FOXJ3: variants seen among roughly 807,000 people sequenced by gnomAD.
FOXJ3 encodes forkhead box J3.
FOXJ3 carries 22 observed loss-of-function variants against 76.1 expected under a neutral mutation model. The ratio of observed to expected loss-of-function variants is 0.29; its 90% CI spans 0.21 to 0.41. The LOEUF (loss-of-function observed/expected upper bound fraction) is 0.41, where lower values mean the gene tolerates loss of function less well. Ranked by LOEUF, FOXJ3 falls within the 10% of genes least tolerant of loss-of-function variation. The pLI is 1.00. For synonymous variants in FOXJ3, 269 were observed against 261.2 expected (o/e 1.03, Z -0.29); for missense variants, 613 against 762.1 (o/e 0.80, Z 2.30).
chr1:42,246,112 C>T (rs1392869670), intron 4 of FOXJ3, among the ~76,000 whole-genome samples: 1 of 152,050 alleles, frequency 6.6e-6, no homozygotes. Context: ...AAAGATTTTA[C>T]GACTAAGACC....
At chr1:42,294,762 C>CAAAAAAAAAAAAAA (rs5773766) in intron 2 of FOXJ3, among the ~76,000 whole-genome samples, 8 of 105,678 alleles carry the variant, frequency 7.6e-5, no homozygotes, top group African/African-American at 2.7e-4. Flanking sequence ...AACTTGGTCT[C>CAAAAAAAAAAAAAA]AAAAAAAAAA....
chr1:42,331,621 C>T (rs1327111585), intron 1 of FOXJ3, among the ~76,000 whole-genome samples: 1 of 152,098 alleles, frequency 6.6e-6, no homozygotes, highest in South Asian at 2.1e-4. Context: ...AACATCTCTA[C>T]AAGATTGTAA....
chr1:42,327,486 A>G (rs1655907271), intron 1 of FOXJ3, among the ~76,000 whole-genome samples: 1 of 152,246 alleles, frequency 6.6e-6, no homozygotes, highest in Non-Finnish European at 1.5e-5. Flanking sequence ...GCACCCATGT[A>G]CCACCAGCCA....
At chr1:42,333,594 C>A (rs1039035757) in intron 1 of FOXJ3, among the ~76,000 whole-genome samples, 1 of 152,106 alleles carries the variant, frequency 6.6e-6, no homozygotes, top group African/African-American at 2.4e-5. Context: ...AGAGGAGTTA[C>A]TGCTTTTCTA....
intron 1 of FOXJ3, chr1:42,315,435 G>C (rs2124765576): frequency 1.0e-6 from 1 of 984,208 alleles, no homozygotes; most frequent in South Asian, 4.7e-5. Flanking sequence ...CTCAGGCAAG[G>C]GAAAATGATC....
At chr1:42,212,030 G>T (rs761422064) in intron 5 of FOXJ3, among the ~76,000 whole-genome samples, 7 of 152,202 alleles carry the variant, frequency 4.6e-5, no homozygotes, top group African/African-American at 1.4e-4. Context: ...AAGGTGGGTG[G>T]ATCATTTGAG....
chr1:42,299,031 G>T (rs924130367), intron 2 of FOXJ3, among the ~76,000 whole-genome samples: 1 of 152,108 alleles, frequency 6.6e-6, no homozygotes, highest in African/African-American at 2.4e-5. Context: ...TCAGTATTTT[G>T]GAATGTATTG....
intron 4 of FOXJ3, among the ~76,000 whole-genome samples, chr1:42,244,131 A>G (rs1196299322): frequency 6.6e-6 from 1 of 152,184 alleles, no homozygotes; most frequent in African/African-American, 2.4e-5. Context: ...AATGAAAATG[A>G]AAACACAACA....
At chr1:42,216,188 T>C (rs1015667665) in intron 5 of FOXJ3, among the ~76,000 whole-genome samples, 3 of 151,862 alleles carry the variant, frequency 2.0e-5, no homozygotes, top group Admixed American at 2.0e-4. Context: ...CTGAAACAAA[T>C]GAAAGCACCA....
intron 4 of FOXJ3, among the ~76,000 whole-genome samples, chr1:42,235,752 G>A (rs1176229874): frequency 1.1e-4 from 16 of 151,976 alleles, no homozygotes; most frequent in Admixed American, 5.9e-4. Context: ...TAGTTGAGAC[G>A]AGGTTTCACC....
At chr1:42,325,419 G>A (rs1655770529) in intron 1 of FOXJ3, among the ~76,000 whole-genome samples, 1 of 152,192 alleles carries the variant, frequency 6.6e-6, no homozygotes, top group African/African-American at 2.4e-5. Context: ...GATACTTCCA[G>A]ATGCCAAGGA....
chr1:42,312,310 G>A (rs1164950550), intron 1 of FOXJ3, among the ~76,000 whole-genome samples: 3 of 152,062 alleles, frequency 2.0e-5, no homozygotes, highest in Non-Finnish European at 4.4e-5. Flanking sequence ...CTCCTTCCTC[G>A]GCCTCCCAAA....
At chr1:42,331,838 AAAAG>A (rs1656183948) in intron 1 of FOXJ3, among the ~76,000 whole-genome samples, 1 of 152,226 alleles carries the variant, frequency 6.6e-6, no homozygotes, top group African/African-American at 2.4e-5. Flanking sequence ...TTAAAAAAAA[AAAAG>A]AATAAAAGTT....
In FOXJ3 at chr1:42,176,872, A is replaced by G. The variant is rs929140070; in HGVS notation, c.*2838T>C. 1.3e-5 allele frequency: 2 copies of G among 152,646 alleles called. No homozygotes were observed. Among genetic ancestry groups the G allele is most frequent in the South Asian group, 4.1e-4 (2 of 4,830 alleles). 9.5% of individuals were successfully genotyped at this position (152,646 alleles called of 1,614,324 possible). A position where few individuals can be genotyped will look rare whatever the true frequency, so the allele number is the denominator to read the frequency against. On this transcript the variant is annotated 3_prime_UTR_variant, in exon 13 of 13. Transcript: ENST00000361346. ...AAAATACTCTATTCCATTTGAAATT[A>G]TCCCCGGATTGATTCCCTCCCACTT...
At chr1:42,277,391 G>A (rs111846655) in intron 3 of FOXJ3, among the ~76,000 whole-genome samples, 31 of 151,962 alleles carry the variant, frequency 2.0e-4, no homozygotes, top group African/African-American at 6.5e-4. Context: ...GGCCAGGCAC[G>A]GTGGCTCACG....
intron 4 of FOXJ3, among the ~76,000 whole-genome samples, chr1:42,244,936 C>A (rs1649425650): frequency 6.6e-6 from 1 of 152,110 alleles, no homozygotes; most frequent in Non-Finnish European, 1.5e-5. Flanking sequence ...AATCCAAGCA[C>A]CTTGGGAGGC....
intron 1 of FOXJ3, among the ~76,000 whole-genome samples, chr1:42,318,630 C>T (rs1208063236): frequency 6.6e-6 from 1 of 152,176 alleles, no homozygotes; most frequent in African/African-American, 2.4e-5. Flanking sequence ...CAGGCGTGAG[C>T]CACTGCACTC....
intron 3 of FOXJ3, among the ~76,000 whole-genome samples, chr1:42,268,726 T>G (rs1651656274): frequency 6.6e-6 from 1 of 152,160 alleles, no homozygotes. Flanking sequence ...TTAATACTAT[T>G]TGAAGGTAAA....
intron 2 of FOXJ3, among the ~76,000 whole-genome samples, chr1:42,307,234 A>G (rs140867219): frequency 1.3e-5 from 2 of 152,352 alleles, no homozygotes; most frequent in East Asian, 3.9e-4. Flanking sequence ...AACTAGCTTC[A>G]TCATAAACCA....
Sources: gnomAD v4.1 joint callset for allele counts (sites outside exome capture counted in the v4.1 genomes callset) on GRCh38, gnomAD v4.1.1 for gene constraint, MANE v1.5 for transcripts, NCBI Gene and HGNC (gene_info 2026-07-23, HGNC 2026-07-21) for gene names.